The following COX15 variants were observed in gnomAD, a reference collection of about 807,000 sequenced individuals.
The protein encoded by COX15 is cytochrome c oxidase assembly factor COX15, also known as heme A synthase COX15.
Under a neutral mutation model 51.9 loss-of-function variants are expected in COX15, and 51 were observed. The observed-to-expected ratio is 0.98, with a 90% CI of 0.78 to 1.24. The LOEUF (loss-of-function observed/expected upper bound fraction) is 1.24, where lower values mean the gene tolerates loss of function less well. Ranked by LOEUF, COX15 falls within the 50% of genes most tolerant of loss-of-function variation. COX15 has a pLI of 0.00. For synonymous variants in COX15, 188 were observed against 190.5 expected, an observed-to-expected ratio of 0.99 and a Z score of 0.11; for missense variants, 420 against 501.1, an observed-to-expected ratio of 0.84 and a Z score of 1.55.
At position 99,711,282 on chromosome 10, in the gene COX15, A is replaced by G. The variant is rs2036375131; in HGVS notation, c.*3305T>C. ...CTACTTCCTTGGAGGCAACTGTAGA[A>G]GCATTAATATATGGTTCTTTGGGTT... On this transcript the variant is annotated 3_prime_UTR_variant, in exon 9 of 9. Coordinates refer to ENST00000016171, the MANE Select transcript of COX15 (RefSeq NM_078470.6). 12 of 985,320 alleles carry G rather than the reference A, an allele frequency of 1.2e-5. No homozygotes were observed. Among genetic ancestry groups the G allele is most frequent in the Non-Finnish European group, 1.4e-5 (12 of 829,940 alleles). 61.0% of individuals were successfully genotyped at this position (985,320 alleles called of 1,614,324 possible).
At chr10:99,708,442 A>G (rs936564924), downstream of COX15, among the ~76,000 whole-genome samples, 1 of 152,190 alleles carries the variant, frequency 6.6e-6, no homozygotes, top group African/African-American at 2.4e-5. Flanking sequence ...GCAGACCTGG[A>G]TTCTAGTTCT....
chr10:99,712,406 C>T lies in COX15; in HGVS notation c.*2181G>A. 7.1e-6 allele frequency: 7 copies of T among 985,376 alleles called. No individual in the cohort carries two copies. Among genetic ancestry groups the T allele is most frequent in the Non-Finnish European group, 8.4e-6 (7 of 829,912 alleles). The allele number at this position is 985,376 out of a possible 1,614,324, so 61.0% of individuals were successfully genotyped here. On this transcript the variant is annotated 3_prime_UTR_variant, in exon 9 of 9. Coordinates refer to ENST00000016171, the MANE Select transcript of COX15 (RefSeq NM_078470.6). The stretch of plus-strand genomic sequence containing the variant: ...CCCAACACTTAATTGAGAGCTTTCA[C>T]AGAAAAATCTAGATATGTGGCTTAT...
chr10:99,705,162 AT>A, the COX15 span: 1 of 162,514 alleles, frequency 6.2e-6, no homozygotes, highest in Admixed American at 5.7e-5. Context: ...TTTAACAGGG[AT>A]CCAAGATCTT....
intron 6 of COX15, among the ~76,000 whole-genome samples, chr10:99,718,927 C>A (rs2036666012): frequency 6.6e-6 from 1 of 152,124 alleles, no homozygotes; most frequent in Admixed American, 6.5e-5. Context: ...GTCACCTTAC[C>A]AAAGAGATTT....
At chr10:99,706,862 T>G (rs2036264127), downstream of COX15, among the ~76,000 whole-genome samples, 3 of 152,346 alleles carry the variant, frequency 2.0e-5, no homozygotes, top group Admixed American at 1.3e-4. Context: ...TTTTGTGAGA[T>G]CTAATCAATG....
the COX15 span, chr10:99,702,758 T>A: frequency 3.7e-5 from 48 of 1,308,370 alleles, no homozygotes; most frequent in Non-Finnish European, 4.3e-5. Context: ...TTTTTTTTTT[T>A]AACCAGCTTA....
chr10:99,710,671 A>G (rs968043777), downstream of COX15: 1 of 985,308 alleles, frequency 1.0e-6, no homozygotes, highest in Admixed American at 6.1e-5. Context: ...TATGTGTTAC[A>G]TATGCTGATA....
chr10:99,698,628 C>G, the COX15 span: 1 of 1,614,132 alleles, frequency 6.2e-7, no homozygotes, highest in Non-Finnish European at 8.5e-7. Flanking sequence ...GAGGAACAGC[C>G]AAGTCTTACA....
intron 4 of COX15, among the ~76,000 whole-genome samples, chr10:99,726,043 A>G (rs1168143143): frequency 1.3e-5 from 2 of 150,138 alleles, no homozygotes; most frequent in Non-Finnish European, 3.0e-5. Flanking sequence ...TTTTTTTTTC[A>G]TCATTCTAGC....
At chr10:99,696,855 G>A in the COX15 span, among the ~76,000 whole-genome samples, 1 of 152,204 alleles carries the variant, frequency 6.6e-6, no homozygotes, top group African/African-American at 2.4e-5. Flanking sequence ...TTGGGTGATT[G>A]ATTGTGGTGG....
chr10:99,701,121 A>T, the COX15 span: 2 of 1,288,086 alleles, frequency 1.6e-6, no homozygotes, highest in Non-Finnish European at 2.3e-6. Context: ...ATTATAATGG[A>T]GAGTGAGCAA....
downstream of COX15, chr10:99,709,011 C>A: frequency 1.0e-6 from 1 of 985,264 alleles, no homozygotes; most frequent in Non-Finnish European, 1.2e-6. Context: ...AATACTTTGT[C>A]AGAAATAGTG....
At chr10:99,724,422 C>T (rs1401556853) in intron 4 of COX15, among the ~76,000 whole-genome samples, 1 of 152,022 alleles carries the variant, frequency 6.6e-6, no homozygotes, top group Non-Finnish European at 1.5e-5. Flanking sequence ...CCTCGTGATC[C>T]GCCCACCTCA....
chr10:99,727,189 G>C (rs373137371), intron 3 of COX15, 35 bp from the exon 4 acceptor site: 2 of 1,596,874 alleles, frequency 1.3e-6, no homozygotes, highest in South Asian at 2.2e-5. Flanking sequence ...AGGAGGAGGA[G>C]GAAACATCCT....
At chr10:99,725,178 A>C (rs2036909767) in intron 4 of COX15, among the ~76,000 whole-genome samples, 1 of 152,176 alleles carries the variant, frequency 6.6e-6, no homozygotes, top group South Asian at 2.1e-4. Flanking sequence ...TTTCACTCCC[A>C]CTTGCCAGTA....
chr10:99,700,940 T>A, the COX15 span: 2 of 1,582,730 alleles, frequency 1.3e-6, no homozygotes, highest in Admixed American at 3.4e-5. Context: ...GCCTCCAAAT[T>A]CATGTTGCAC....
At chr10:99,722,363 T>C (rs1392406670) in intron 5 of COX15, among the ~76,000 whole-genome samples, 1 of 152,076 alleles carries the variant, frequency 6.6e-6, no homozygotes, top group Non-Finnish European at 1.5e-5. Flanking sequence ...TGTGGGTTTA[T>C]GTGTAAGTGT....
At chr10:99,729,992 C>A (rs1467581301) in intron 1 of COX15, among the ~76,000 whole-genome samples, 2 of 152,210 alleles carry the variant, frequency 1.3e-5, no homozygotes, top group African/African-American at 4.8e-5. Flanking sequence ...CTTCACTCTA[C>A]TTACAGATAT....
At chr10:99,701,369 C>G in the COX15 span, among the ~76,000 whole-genome samples, 3 of 151,468 alleles carry the variant, frequency 2.0e-5, no homozygotes, top group Admixed American at 6.6e-5. Flanking sequence ...CTCACTGCAA[C>G]CTCCGCCTCC....
Sources: gnomAD v4.1 joint callset for allele counts (sites outside exome capture counted in the v4.1 genomes callset) on GRCh38, gnomAD v4.1.1 for gene constraint, MANE v1.5 for transcripts, NCBI Gene and HGNC (gene_info 2026-07-23, HGNC 2026-07-21) for gene names.